EXT2: variants seen among roughly 807,000 people sequenced by gnomAD.
EXT2 encodes exostosin-2.
A neutral mutation model predicts 81.6 loss-of-function variants in EXT2; 53 were observed. The observed-to-expected ratio is 0.65, with a 90% CI of 0.52 to 0.82. The LOEUF is 0.82. Ranked by LOEUF, EXT2 falls within the 40% of genes least tolerant of loss-of-function variation. The pLI is 0.00. For missense variants in EXT2, 774 were observed against 910.2 expected (o/e 0.85, Z 1.93); for synonymous variants, 320 against 340.0 (o/e 0.94, Z 0.65).
chr11:44,113,424 C>G (rs1379585479), intron 3 of EXT2, among the ~76,000 whole-genome samples: 1 of 152,212 alleles, frequency 6.6e-6, no homozygotes, highest in Non-Finnish European at 1.5e-5. Flanking sequence ...CACCTGCTTC[C>G]TTTCTCTGAT....
rs59793924 is a variant in EXT2, at chr11:44,199,185, G to T, written c.1495+1167G>T. ...GGCCAGTTTTCTGGATTTTTGTTTTGTTTGATACTTAATAAGGGAGAAGGA... is the reference window on the plus strand; with the variant it reads ...GGCCAGTTTTCTGGATTTTTGTTTTTTTTGATACTTAATAAGGGAGAAGGA... On this transcript the variant is annotated intron_variant, in intron 9 of 13. Transcript: ENST00000533608. 3.9e-3 allele frequency among the ~76,000 whole-genome samples: 588 copies of T among 152,064 alleles called. 4 individuals are homozygous for T. Among genetic ancestry groups the T allele is most frequent in the African/African-American group, 0.014 (566 of 41,458 alleles).
At chr11:44,241,730 C>G (rs774125830) in intron 13 of EXT2, among the ~76,000 whole-genome samples, 1 of 152,156 alleles carries the variant, frequency 6.6e-6, no homozygotes, top group Admixed American at 6.5e-5. Context: ...ATTGGAAAAC[C>G]AACACAGGAG....
intron 1 of EXT2, among the ~76,000 whole-genome samples, chr11:44,106,281 C>T (rs986634241): frequency 6.6e-6 from 1 of 152,012 alleles, no homozygotes; most frequent in African/African-American, 2.4e-5. Flanking sequence ...CCACATTGGC[C>T]CTTTTCCTCC....
At chr11:44,190,876 A>G (rs996543348) in intron 8 of EXT2, among the ~76,000 whole-genome samples, 8 of 152,184 alleles carry the variant, frequency 5.3e-5, no homozygotes, top group Non-Finnish European at 7.4e-5. Flanking sequence ...TTTCAACTAC[A>G]AGAAAGCAAA....
intron 7 of EXT2, among the ~76,000 whole-genome samples, chr11:44,146,718 G>A (rs1363474259): frequency 6.6e-6 from 1 of 152,140 alleles, no homozygotes; most frequent in Non-Finnish European, 1.5e-5. Flanking sequence ...CCTAATAAAT[G>A]CTCAGTTTTG....
chr11:44,175,252 GT>G (rs1344535793), intron 8 of EXT2, among the ~76,000 whole-genome samples: 1 of 152,216 alleles, frequency 6.6e-6, no homozygotes, highest in African/African-American at 2.4e-5. Flanking sequence ...GAAGACTGAG[GT>G]ATACTGTACG....
intron 7 of EXT2, among the ~76,000 whole-genome samples, chr11:44,162,642 C>G (rs1358982950): frequency 6.6e-6 from 1 of 151,084 alleles, no homozygotes; most frequent in Non-Finnish European, 1.5e-5. Context: ...ATACTGAAAC[C>G]TACCAAAAAC....
chr11:44,173,852 C>T (rs1955114876), intron 8 of EXT2, among the ~76,000 whole-genome samples: 1 of 152,006 alleles, frequency 6.6e-6, no homozygotes, highest in Non-Finnish European at 1.5e-5. Flanking sequence ...CAGGTGTGAG[C>T]CACCGCGCCC....
chr11:44,169,440 A>T (rs1955040839), intron 7 of EXT2, among the ~76,000 whole-genome samples: 1 of 152,032 alleles, frequency 6.6e-6, no homozygotes, highest in African/African-American at 2.4e-5. Flanking sequence ...AGACTAAATA[A>T]CTAGCAACCT....
At chr11:44,194,651 A>G (rs551218984) in intron 8 of EXT2, among the ~76,000 whole-genome samples, 1 of 152,354 alleles carries the variant, frequency 6.6e-6, no homozygotes, top group South Asian at 2.1e-4. Flanking sequence ...AGTGAGAACA[A>G]TAACCGTATC....
At position 44,248,964 on chromosome 11, in the gene EXT2, G is replaced by GT. The variant is rs56956349; in HGVS notation, c.*4684dup. 0.1 allele frequency among the ~76,000 whole-genome samples: 15,302 copies of GT among 151,660 alleles called. 885 individuals are homozygous for GT. Among genetic ancestry groups the GT allele is most frequent in the Middle Eastern group, 0.17 (50 of 292 alleles). On this transcript the variant is annotated 3_prime_UTR_variant, in exon 14 of 14. Coordinates refer to ENST00000533608, the MANE Select transcript of EXT2 (RefSeq NM_207122.2). The stretch of plus-strand genomic sequence containing the variant: ...ACATTTGCAACCATTTCAGGGTAGA[G>GT]TTTTTTTGTTTGTTTGTTTGTTTGT...
intron 4 of EXT2, among the ~76,000 whole-genome samples, chr11:44,118,833 T>C (rs981825609): frequency 6.6e-6 from 1 of 152,102 alleles, no homozygotes; most frequent in African/African-American, 2.4e-5. Flanking sequence ...GGCATATTTA[T>C]GTAGCACGAG....
At chr11:44,193,560 T>A (rs938143521) in intron 8 of EXT2, among the ~76,000 whole-genome samples, 3 of 152,244 alleles carry the variant, frequency 2.0e-5, no homozygotes, top group African/African-American at 7.2e-5. Flanking sequence ...TGGATTCCGA[T>A]TAAGAACTTG....
chr11:44,147,262 G>A (rs1467158613), intron 7 of EXT2, among the ~76,000 whole-genome samples: 4 of 152,120 alleles, frequency 2.6e-5, no homozygotes, highest in Non-Finnish European at 5.9e-5. Flanking sequence ...TTATAGAATT[G>A]TAGTCTCCTT....
chr11:44,215,214 AT>A (rs1238518504), intron 10 of EXT2, among the ~76,000 whole-genome samples: 1 of 152,018 alleles, frequency 6.6e-6, no homozygotes, highest in Non-Finnish European at 1.5e-5. Context: ...TGATTTCAAT[AT>A]TTGTTTTTCT....
At chr11:44,109,727 G>C (rs1020189903) in intron 3 of EXT2, among the ~76,000 whole-genome samples, 5 of 152,134 alleles carry the variant, frequency 3.3e-5, no homozygotes, top group African/African-American at 7.2e-5. Flanking sequence ...CAATCAGTAG[G>C]GTTCTTTCTG....
At chr11:44,156,343 CTTT>C (rs1201342018) in intron 7 of EXT2, among the ~76,000 whole-genome samples, 1 of 152,174 alleles carries the variant, frequency 6.6e-6, no homozygotes, top group Non-Finnish European at 1.5e-5. Flanking sequence ...TCCACCTCTT[CTTT>C]AAGGCCAATA....
At chr11:44,178,317 A>G (rs1459536424) in intron 8 of EXT2, among the ~76,000 whole-genome samples, 2 of 152,160 alleles carry the variant, frequency 1.3e-5, no homozygotes, top group Admixed American at 6.5e-5. Context: ...TGGTCCAGGG[A>G]CCATATTTTG....
Position 44,108,078 on chromosome 11 carries a change from C to G in EXT2, c.366C>G (p.Val122=). The G allele has an allele frequency of 6.2e-7, 1 of 1,614,200 alleles. No homozygotes were observed. Among genetic ancestry groups the G allele is most frequent in the African/African-American group, 1.3e-5 (1 of 75,040 alleles). ...ACGTGGATGACTTTGGCGTCTCTGTCAGCAACACCATCTCCCGGGAGTATA... is the reference window on the plus strand; with the variant it reads ...ACGTGGATGACTTTGGCGTCTCTGTGAGCAACACCATCTCCCGGGAGTATA... ...KKYVDDFGVS[V]SNTISREYNE... The change falls in exon 2 of 14, where the codon GTC becomes GTG. Residue 122 remains valine (V), a synonymous_variant. Coordinates refer to ENST00000533608, the MANE Select transcript of EXT2 (RefSeq NM_207122.2).
Sources: gnomAD v4.1 joint callset for allele counts (sites outside exome capture counted in the v4.1 genomes callset) on GRCh38, gnomAD v4.1.1 for gene constraint, MANE v1.5 for transcripts, NCBI Gene and HGNC (gene_info 2026-07-23, HGNC 2026-07-21) for gene names.